POC5: variants seen among roughly 807,000 people sequenced by gnomAD.
POC5 encodes POC5 centriolar protein, also known as centrosomal protein POC5.
A neutral mutation model predicts 62.9 loss-of-function variants in POC5; 48 were observed. The ratio of observed to expected loss-of-function variants is 0.76; its 90% CI spans 0.61 to 0.97. The LOEUF (loss-of-function observed/expected upper bound fraction) is 0.97. Among genes scored for constraint, POC5 ranks in the 50% least tolerant of loss-of-function variants. POC5 has a pLI of 0.00. For missense variants in POC5, 696 were observed against 679.5 expected, an observed-to-expected ratio of 1.02 and a Z score of -0.27; for synonymous variants, 236 against 228.2, an observed-to-expected ratio of 1.03 and a Z score of -0.31.
chr5:75,696,390 G>A (rs918874603), intron 5 of POC5, among the ~76,000 whole-genome samples: 7 of 152,172 alleles, frequency 4.6e-5, no homozygotes, highest in African/African-American at 9.7e-5. Flanking sequence ...TGCCTCAAGT[G>A]GGTCCCTGAC....
intron 8 of POC5, chr5:75,689,779 T>G (rs1459223697): frequency 8.5e-6 from 4 of 469,918 alleles, no homozygotes; most frequent in Non-Finnish European, 8.4e-6. Context: ...TCAAGAGGCC[T>G]ATTGCATTCT....
intron 6 of POC5, among the ~76,000 whole-genome samples, chr5:75,693,077 A>G (rs963087450): frequency 7.0e-6 from 1 of 143,682 alleles, no homozygotes; most frequent in Non-Finnish European, 1.5e-5. Context: ...TATACATATA[A>G]CTATTAATAA....
intron 1 of POC5, among the ~76,000 whole-genome samples, chr5:75,715,643 A>T (rs1436895159): frequency 6.6e-6 from 1 of 152,210 alleles, no homozygotes; most frequent in Non-Finnish European, 1.5e-5. Context: ...CACAAGACCT[A>T]ACCATATCAG....
At chr5:75,712,569 A>G (rs1302179821) in intron 2 of POC5, 1 of 1,007,840 alleles carries the variant, frequency 9.9e-7, no homozygotes, top group African/African-American at 1.6e-5. Flanking sequence ...AATGAAAAAA[A>G]TTTAAACAAA....
intron 4 of POC5, among the ~76,000 whole-genome samples, chr5:75,705,007 C>T (rs111935259): frequency 2.2e-4 from 33 of 152,194 alleles, no homozygotes; most frequent in African/African-American, 7.7e-4. Flanking sequence ...TGAGACCAGC[C>T]TGGGCAACAT....
chr5:75,689,289 T>C, intron 8 of POC5, 124 bp from the exon 9 acceptor site: 2 of 1,358,728 alleles, frequency 1.5e-6, no homozygotes, highest in Non-Finnish European at 1.9e-6. Context: ...CACTTACCTC[T>C]TCTGCTATGT....
Position 75,674,505 on chromosome 5 carries a change from C to T in POC5, c.1658G>A (p.Arg553Lys). ...IHPESSTSAS[R>K]SLGTRSAHTQ... ...GTGAGCTGATCTGGTTCCAAGTGAT[C>T]TGGAAGCTGAGGTACTACTTTCAGG... The change falls in exon 12 of 12, where the codon AGA becomes AAA. Residue 553 changes from arginine (R) to lysine (K), a missense_variant. Physicochemically the swap from Arg to Lys is conservative, Grantham distance 26 (BLOSUM62 2). Transcript: ENST00000428202. The T allele has an allele frequency of 6.2e-7, 1 of 1,613,936 alleles. No individual in the cohort carries two copies. Among genetic ancestry groups the T allele is most frequent in the East Asian group, 2.2e-5 (1 of 44,874 alleles).
chr5:75,701,144 T>C (rs1334685219), intron 5 of POC5, among the ~76,000 whole-genome samples: 1 of 136,030 alleles, frequency 7.4e-6, no homozygotes, highest in Non-Finnish European at 1.6e-5. Context: ...AGTTCAACCA[T>C]TGTGGAAGTC....
chr5:75,678,078 T>G, intron 10 of POC5, 128 bp from the exon 11 acceptor site: 1 of 700,738 alleles, frequency 1.4e-6, no homozygotes, highest in Non-Finnish European at 2.0e-6. Flanking sequence ...AACTTTAACA[T>G]GGAAAAAACA....
intron 11 of POC5, among the ~76,000 whole-genome samples, chr5:75,676,548 G>T (rs28579121): frequency 3.7e-4 from 27 of 73,914 alleles, no homozygotes; most frequent in Middle Eastern, 0.019. Context: ...GCTAGTACTC[G>T]GGAAAAAAGG....
rs188994561 is a variant in POC5, at chr5:75,712,683, T to C, written c.84+171A>G. 6.4e-4 allele frequency: 468 copies of C among 729,848 alleles called. 2 individuals are homozygous for C. The highest frequency in any genetic ancestry group is 6.3e-3 in the Admixed American group (220 of 35,180). 45.2% of individuals were successfully genotyped at this position (729,848 alleles called of 1,614,324 possible). A position where few individuals can be genotyped will look rare whatever the true frequency, so the allele number is the denominator to read the frequency against. The stretch of plus-strand genomic sequence containing the variant: ...AATATTTTCTGAAAAGTTAAAACAA[T>C]GTAAAGTCACTCCTAAAATGTGTAC... On this transcript the variant is annotated intron_variant, in intron 2 of 11. Coordinates refer to ENST00000428202, the MANE Select transcript of POC5 (RefSeq NM_001099271.2).
intron 4 of POC5, 143 bp from the exon 5 acceptor site, chr5:75,702,953 T>C: frequency 3.1e-6 from 2 of 647,534 alleles, no homozygotes; most frequent in Non-Finnish European, 5.3e-6. Context: ...AGGTGTACCT[T>C]AATCTATTTT....
rs182268165 is a variant in POC5, at chr5:75,685,219, T to A, written c.1395A>T (p.Ala465=). 1.2e-6 allele frequency: 2 copies of A among 1,612,030 alleles called. No individual in the cohort carries two copies. The highest frequency in any genetic ancestry group is 1.7e-6 in the Non-Finnish European group (2 of 1,178,930). The change falls in exon 10 of 12, where the codon GCA becomes GCT. Residue 465 remains alanine (A), a synonymous_variant. Transcript: ENST00000428202. ...AAACTGTACTAACCATTTCTTCTGA[T>A]GCAGCAGTAGCTGCAGATCCTGCAC... ...ALGAGSAATA[A]SEEMYVPRVV...
chr5:75,685,165 C>T, intron 10 of POC5, 42 bp downstream of exon 10: 1 of 1,545,510 alleles, frequency 6.5e-7, no homozygotes, highest in East Asian at 2.4e-5. Flanking sequence ...CTGGGCCTGG[C>T]CGCCCTTTTC....
rs758460697 is a variant in POC5 at position 75,692,900 on chromosome 5, CCTA to C, written c.691-403_691-401del. On this transcript the variant is annotated intron_variant, in intron 6 of 11. Coordinates refer to ENST00000428202, the MANE Select transcript of POC5 (RefSeq NM_001099271.2). Reference sequence around the variant, plus strand: ...TAGATATTTAAATATCTTTCTGGTCCCTACTACTATCTTGGATATAGAAGTTCC... The same window carrying C: ...TAGATATTTAAATATCTTTCTGGTCCCTACTATCTTGGATATAGAAGTTCC... Among the ~76,000 whole-genome samples the C allele has an allele frequency of 7.3e-5, 11 of 151,586 alleles. No individual in the cohort carries two copies. In the South Asian group the frequency reaches 8.3e-4, roughly 11 times the overall value.
At chr5:75,676,464 C>T (rs532230105) in intron 11 of POC5, among the ~76,000 whole-genome samples, 4 of 152,186 alleles carry the variant, frequency 2.6e-5, no homozygotes, top group Non-Finnish European at 5.9e-5. Context: ...CCTTCCACCT[C>T]GCTAAGGTCC....
At chr5:75,698,721 G>A (rs1020001262) in intron 5 of POC5, among the ~76,000 whole-genome samples, 3 of 151,814 alleles carry the variant, frequency 2.0e-5, no homozygotes, top group African/African-American at 7.3e-5. Flanking sequence ...TAAAATCAGA[G>A]CAGAACTGAA....
intron 1 of POC5, 94 bp from the exon 2 acceptor site, chr5:75,713,045 C>A: frequency 1.2e-6 from 1 of 856,906 alleles, no homozygotes; most frequent in South Asian, 1.9e-5. Context: ...TCCAAATCTG[C>A]AATCTTCCTG....
intron 5 of POC5, among the ~76,000 whole-genome samples, chr5:75,699,175 T>A (rs921979818): frequency 6.6e-6 from 1 of 152,072 alleles, no homozygotes; most frequent in African/African-American, 2.4e-5. Context: ...CTGAAACTAT[T>A]CCAATCAATA....
Sources: gnomAD v4.1 joint callset for allele counts (sites outside exome capture counted in the v4.1 genomes callset) on GRCh38, gnomAD v4.1.1 for gene constraint, MANE v1.5 for transcripts, NCBI Gene and HGNC (gene_info 2026-07-23, HGNC 2026-07-21) for gene names.